Variants in NFASC observed in about 807,000 individuals in gnomAD.
NFASC encodes neurofascin.
In NFASC, 43 loss-of-function variants were observed where a neutral mutation model predicts 147.5. The ratio of observed to expected loss-of-function variants is 0.29; its 90% confidence interval spans 0.23 to 0.38. The LOEUF (loss-of-function observed/expected upper bound fraction) is 0.38, where lower values mean the gene tolerates loss of function less well. Ranked by LOEUF, NFASC falls within the 10% of genes least tolerant of loss-of-function variation. The probability of loss-of-function intolerance (pLI) is 1.00; values close to 1 mark genes in which losing one functional copy is unlikely to be tolerated. For missense variants in NFASC, 1,320 were observed against 1,689.0 expected (o/e 0.78, Z 3.83); for synonymous variants, 622 against 665.5 (o/e 0.93, Z 1.01).
chr1:204,878,931 G>T (rs1327802625), intron 1 of NFASC, among the ~76,000 whole-genome samples: 7 of 152,204 alleles, frequency 4.6e-5, no homozygotes, highest in Non-Finnish European at 1.5e-5. Flanking sequence ...GAACTGGTGG[G>T]GTGGGTTGCA....
At chr1:204,997,453 C>T (rs1306716448) in intron 25 of NFASC, 47 bp downstream of exon 25, 1 of 1,549,734 alleles carries the variant, frequency 6.5e-7, no homozygotes, top group East Asian at 2.4e-5. Flanking sequence ...GCCCGCCTCC[C>T]CAGCGGCCTC....
intron 1 of NFASC, among the ~76,000 whole-genome samples, chr1:204,853,429 A>G (rs2075870060): frequency 6.6e-6 from 1 of 152,132 alleles, no homozygotes; most frequent in Non-Finnish European, 1.5e-5. Context: ...TTTAGACTTG[A>G]CTGGCTTCCC....
intron 24 of NFASC, among the ~76,000 whole-genome samples, chr1:204,994,043 T>C (rs2095797036): frequency 6.6e-6 from 1 of 152,192 alleles, no homozygotes; most frequent in Admixed American, 6.5e-5. Context: ...GGCCCTGTCT[T>C]GCCTTGGGAC....
chr1:204,982,451 A>G (rs2095527108), intron 21 of NFASC, among the ~76,000 whole-genome samples: 1 of 152,204 alleles, frequency 6.6e-6, no homozygotes, highest in South Asian at 2.1e-4. Flanking sequence ...TTCTGTAGGA[A>G]GCAGGGCAGC....
chr1:204,928,139 T>TAGCAGGGCCAGGG (rs796709424), intron 2 of NFASC, among the ~76,000 whole-genome samples: 10 of 152,336 alleles, frequency 6.6e-5, no homozygotes, highest in African/African-American at 2.4e-4. Context: ...TGTCAGTGAC[T>TAGCAGGGCCAGGG]AGTAGGGCCT....
intron 1 of NFASC, among the ~76,000 whole-genome samples, chr1:204,853,291 C>T (rs554304799): frequency 6.6e-6 from 1 of 152,224 alleles, no homozygotes; most frequent in Non-Finnish European, 1.5e-5. Context: ...CAGACCTGAA[C>T]ATTTGCTGCA....
rs765681177 is a variant in NFASC at position 204,975,356 on chromosome 1, C to A, written c.1644C>A (p.Asp548Glu). Residue 548 changes from aspartate (D) to glutamate (E), a missense_variant, in exon 15 of 30, where the codon GAC becomes GAA. Physicochemically the swap from Asp to Glu is conservative, Grantham distance 45 (BLOSUM62 2). Around this residue, in one of 3 missense-constraint regions of NFASC, gnomAD observed 981 missense variants for 1,289.5 expected, o/e 0.76. Transcript: ENST00000339876. The surrounding 1 kb of genome is among the most constrained non-coding windows in gnomAD (Gnocchi z 4.0). ...AGCTGGAGTGTCGGGTGAAGCACGA[C>A]CCCTCCCTGAAACTCACCGTCTCCT... The part of the protein sequence containing the change: ...TVQLECRVKH[D>E]PSLKLTVSWL... The A allele has an allele frequency of 6.2e-7, 1 of 1,613,974 alleles. No individual in the cohort carries two copies. The highest frequency in any genetic ancestry group is 8.5e-7 in the Non-Finnish European group (1 of 1,179,982).
In NFASC at chr1:205,018,390, A is replaced by G. The variant is rs908623657; in HGVS notation, c.*1851A>G. 4 of 152,716 alleles carry G rather than the reference A, an allele frequency of 2.6e-5. No homozygotes were observed. The highest frequency in any genetic ancestry group is 7.2e-5 in the African/African-American group (3 of 41,480). The allele number at this position is 152,716 out of a possible 1,614,324, so 9.5% of individuals were successfully genotyped here. ...CCGCAAAGGTATTAGCAATGCTTGC[A>G]TCATTAATAATCATTCAGTTGAAGG... On this transcript the variant is annotated 3_prime_UTR_variant, in exon 30 of 30. Transcript: ENST00000339876.
intron 1 of NFASC, among the ~76,000 whole-genome samples, chr1:204,895,095 A>G (rs1256426793): frequency 2.0e-5 from 3 of 152,146 alleles, no homozygotes; most frequent in Admixed American, 6.5e-5. Context: ...CTAGTCTAAC[A>G]TTCCAAATGT....
chr1:205,005,056 C>T (rs960412754), intron 27 of NFASC, among the ~76,000 whole-genome samples: 2 of 152,156 alleles, frequency 1.3e-5, no homozygotes, highest in African/African-American at 2.4e-5. Context: ...CAGCCTGCCT[C>T]GGACCTCAGG....
In NFASC at chr1:204,979,711, A is replaced by G. The variant is rs1251589880; in HGVS notation, c.2176+152A>G. 8.5e-6 allele frequency: 6 copies of G among 705,236 alleles called. No individual in the cohort carries two copies. Among genetic ancestry groups the G allele is most frequent in the East Asian group, 7.8e-5 (3 of 38,246 alleles). The allele number at this position is 705,236 out of a possible 1,614,324, so 43.7% of individuals were successfully genotyped here. On this transcript the variant is annotated intron_variant, in intron 19 of 29. Transcript: ENST00000339876. This position sits in a 1 kb window ranked among gnomAD's most constrained non-coding sequence, Gnocchi z 6.0. ...GAGGCAGAGAGTAATAATAACACCTACATCACAGAGCTGTTGTGAACATTT... is the reference window on the plus strand; with the variant it reads ...GAGGCAGAGAGTAATAATAACACCTGCATCACAGAGCTGTTGTGAACATTT...
intron 20 of NFASC, among the ~76,000 whole-genome samples, chr1:204,981,301 C>T (rs150700050): frequency 1.4e-3 from 212 of 152,372 alleles, no homozygotes; most frequent in African/African-American, 4.9e-3. Flanking sequence ...GAATCACACC[C>T]ATGTTTAAAG....
At chr1:204,882,696 G>A (rs542780851) in intron 1 of NFASC, among the ~76,000 whole-genome samples, 20 of 152,126 alleles carry the variant, frequency 1.3e-4, no homozygotes, top group South Asian at 2.1e-4. Flanking sequence ...TGAGGCCCTC[G>A]GTAAATATTT....
At chr1:204,896,001 A>G (rs967434765) in intron 1 of NFASC, among the ~76,000 whole-genome samples, 3 of 152,178 alleles carry the variant, frequency 2.0e-5, no homozygotes, top group Admixed American at 6.5e-5. Flanking sequence ...TCAGTGTCCA[A>G]TCTATTGGAT....
chr1:204,968,412 T>TG lies in NFASC; in HGVS notation c.818+55dup. On this transcript the variant is annotated intron_variant, in intron 9 of 29. Coordinates refer to ENST00000339876, the MANE Select transcript of NFASC (RefSeq NM_001005388.3). This position sits in a 1 kb window ranked among gnomAD's most constrained non-coding sequence, Gnocchi z 5.4. ...TAGCCACCCTCCAGGAGGATGGGGA[T>TG]GGGAGCTTGTTCATGCTCTTGTTAA... 2 of 1,362,488 alleles carry TG rather than the reference T, an allele frequency of 1.5e-6. No individual in the cohort carries two copies. The highest frequency in any genetic ancestry group is 2.1e-6 in the Non-Finnish European group (2 of 952,194). The allele number at this position is 1,362,488 out of a possible 1,614,324, so 84.4% of individuals were successfully genotyped here.
chr1:205,006,366 CAATTA>C (rs2096112215), intron 27 of NFASC, among the ~76,000 whole-genome samples: 1 of 152,196 alleles, frequency 6.6e-6, no homozygotes, highest in African/African-American at 2.4e-5. Context: ...GGAAATAGAA[CAATTA>C]AATGTTCCAC....
At chr1:204,929,746 C>G (rs2092159556) in intron 2 of NFASC, among the ~76,000 whole-genome samples, 2 of 152,224 alleles carry the variant, frequency 1.3e-5, no homozygotes, top group Admixed American at 6.5e-5. Context: ...GGGAGTCCCT[C>G]CCTGCCTCTT....
chr1:204,836,821 A>G (rs149373588), intron 1 of NFASC, among the ~76,000 whole-genome samples: 1 of 152,356 alleles, frequency 6.6e-6, no homozygotes, highest in East Asian at 1.9e-4. Context: ...TGTCATCCAC[A>G]TTGGGAGCTA....
chr1:204,842,794 G>T (rs1675739485), intron 1 of NFASC, among the ~76,000 whole-genome samples: 1 of 152,246 alleles, frequency 6.6e-6, no homozygotes, highest in Non-Finnish European at 1.5e-5. Flanking sequence ...TGATGGGTTT[G>T]ACTGGTGGGC....
Sources: allele counts gnomAD v4.1 joint callset (sites outside exome capture counted in the v4.1 genomes callset), GRCh38; gene constraint gnomAD v4.1.1; regional missense constraint gnomAD v4.1.1; non-coding constraint Gnocchi (gnomAD v3.1); transcripts MANE v1.5; gene names NCBI Gene and HGNC (gene_info 2026-07-23, HGNC 2026-07-21).